Variants in GRIP2 observed in about 807,000 individuals in gnomAD.
GRIP2 encodes glutamate receptor interacting protein 2.
GRIP2 carries 58 observed loss-of-function variants against 108.3 expected under a neutral mutation model. The ratio of observed to expected loss-of-function variants is 0.54; its 90% CI spans 0.43 to 0.67. The LOEUF (loss-of-function observed/expected upper bound fraction) is 0.67, where lower values mean the gene tolerates loss of function less well. GRIP2 is among the 30% of genes least tolerant of loss of function. GRIP2 has a pLI of 0.00. For missense variants in GRIP2, 1,278 were observed against 1,430.6 expected, an observed-to-expected ratio of 0.89 and a Z score of 1.72; for synonymous variants, 586 against 598.2, an observed-to-expected ratio of 0.98 and a Z score of 0.30.
rs1694139889 is a variant in GRIP2 at position 14,512,925 on chromosome 3, T to C, written c.1640-68A>G. 1.6e-5 allele frequency: 23 copies of C among 1,405,368 alleles called. No homozygotes were observed. The Middle Eastern group carries it at 7.0e-4, about 43-fold the overall frequency. 87.1% of individuals were successfully genotyped at this position (1,405,368 alleles called of 1,614,324 possible). On this transcript the variant is annotated intron_variant, in intron 13 of 23. Transcript: ENST00000621039. This position sits in a 1 kb window ranked among gnomAD's most constrained non-coding sequence, Gnocchi z 5.1. Reference sequence around the variant, plus strand: ...GGAGCCTCAGCGAACCCCAGCCCCATGCCCATTCTGGCTGTGCTGGGAGTG... The same window carrying C: ...GGAGCCTCAGCGAACCCCAGCCCCACGCCCATTCTGGCTGTGCTGGGAGTG...
the GRIP2 span, chr3:14,573,009 A>C: frequency 2.0e-6 from 3 of 1,466,966 alleles, no homozygotes; most frequent in Non-Finnish European, 2.9e-6. Flanking sequence ...GATGATGATC[A>C]GGCAGCATTT....
the GRIP2 span, among the ~76,000 whole-genome samples, chr3:14,581,684 T>A: frequency 6.6e-6 from 1 of 152,144 alleles, no homozygotes; most frequent in Non-Finnish European, 1.5e-5. Context: ...AAGAGAGAAG[T>A]GAATGATGGG....
the GRIP2 span, among the ~76,000 whole-genome samples, chr3:14,593,919 C>T: frequency 3.3e-5 from 5 of 152,224 alleles, no homozygotes; most frequent in African/African-American, 1.2e-4. Context: ...GAAAGCTCAT[C>T]CAAGCTCTAT....
chr3:14,562,407 A>G, the GRIP2 span, among the ~76,000 whole-genome samples: 2 of 152,240 alleles, frequency 1.3e-5, no homozygotes, highest in East Asian at 3.8e-4. Flanking sequence ...CATGACTACA[A>G]AACTGCAGTG....
rs538149442 is a variant in GRIP2 at position 14,536,538 on chromosome 3, G to A, written c.40+3731C>T. ...GGCACTCACAGGCTGGGTGCATCAG[G>A]GCTAGCAGGACCCATGGCATCACCT... On this transcript the variant is annotated intron_variant, in intron 1 of 23. Transcript: ENST00000621039. Among the ~76,000 whole-genome samples the A allele has an allele frequency of 2.0e-4, 30 of 152,290 alleles. No individual in the cohort carries two copies. The East Asian group carries it at 4.8e-3, about 25-fold the overall frequency.
At chr3:14,499,970 C>T (rs186645938) in intron 21 of GRIP2, among the ~76,000 whole-genome samples, 26 of 152,164 alleles carry the variant, frequency 1.7e-4, no homozygotes, top group African/African-American at 4.1e-4. Context: ...GGGCTACATG[C>T]GGCCCGTGGG....
the GRIP2 span, among the ~76,000 whole-genome samples, chr3:14,593,744 T>C: frequency 2.0e-5 from 3 of 152,278 alleles, no homozygotes; most frequent in Non-Finnish European, 2.9e-5. Context: ...GGAGAGTTCT[T>C]TGGGCAGGAC....
Position 14,525,741 on chromosome 3 carries a change from G to A in GRIP2, c.121+110C>T, listed in dbSNP as rs1694536757. ...GAGAATCAGAGAGGTTAAGTGGCTG[G>A]TCTAAGGTCACAGAGCAAGTCAGTG... On this transcript the variant is annotated intron_variant, in intron 2 of 23. Transcript: ENST00000621039. 5 of 1,323,494 alleles carry A rather than the reference G, an allele frequency of 3.8e-6. No individual in the cohort carries two copies. In the South Asian group the frequency reaches 5.2e-5, roughly 14 times the overall value. The allele number at this position is 1,323,494 out of a possible 1,614,324, so 82.0% of individuals were successfully genotyped here.
chr3:14,576,492 G>A, the GRIP2 span, among the ~76,000 whole-genome samples: 4,610 of 152,334 alleles, frequency 0.03, 214 homozygotes, highest in African/African-American at 0.11. Flanking sequence ...AGGGCGGGGA[G>A]AGGCGAGGGT....
At chr3:14,517,725 G>C (rs765290495) in intron 10 of GRIP2, 47 bp downstream of exon 10, 2 of 1,602,910 alleles carry the variant, frequency 1.2e-6, no homozygotes, top group Non-Finnish European at 1.7e-6. Context: ...CCCCTCCCTA[G>C]GAAAGGCTAC....
intron 1 of GRIP2, among the ~76,000 whole-genome samples, chr3:14,550,163 G>A (rs11128707): frequency 0.81 from 122,536 of 152,106 alleles, 49,490 homozygotes; most frequent in South Asian, 0.9. Context: ...AGCCCCCTGC[G>A]CCCCAAACTG....
rs547259776 is a variant in GRIP2 at position 14,505,217 on chromosome 3, C to A, written c.2573+398G>T. Among the ~76,000 whole-genome samples, 8 of 152,202 alleles carry A rather than the reference C, an allele frequency of 5.3e-5. No homozygotes were observed. Among genetic ancestry groups the A allele is most frequent in the Non-Finnish European group, 1.2e-4 (8 of 68,036 alleles). ...TGCTCTCTGCAGGAGCCTTCTCCAG[C>A]GGCTCAGCCACTCGGCACAGCCCAG... On this transcript the variant is annotated intron_variant, in intron 20 of 23. Coordinates refer to ENST00000621039, the MANE Select transcript of GRIP2 (RefSeq NM_001080423.4). The surrounding 1 kb of genome is among the most constrained non-coding windows in gnomAD (Gnocchi z 4.2).
chr3:14,512,889 G>C lies in GRIP2; in HGVS notation c.1640-32C>G. On this transcript the variant is annotated intron_variant, in intron 13 of 23. Coordinates refer to ENST00000621039, the MANE Select transcript of GRIP2 (RefSeq NM_001080423.4). The surrounding 1 kb of genome is among the most constrained non-coding windows in gnomAD (Gnocchi z 5.1). ...GTAGATGGACATAAACCGACGTGAG[G>C]ACCCAGAGGAGGAGCCTCAGCGAAC... is the stretch of plus-strand genomic sequence containing the variant. 1 of 1,602,714 alleles carries C rather than the reference G, an allele frequency of 6.2e-7. No homozygotes were observed. The highest frequency in any genetic ancestry group is 8.5e-7 in the Non-Finnish European group (1 of 1,169,966).
upstream of GRIP2, among the ~76,000 whole-genome samples, chr3:14,559,195 C>T (rs1695281500): frequency 6.6e-6 from 1 of 152,130 alleles, no homozygotes; most frequent in African/African-American, 2.4e-5. Context: ...TTCCTGTATG[C>T]TGTGAGAGTG....
chr3:14,519,308 G>T (rs2124913986), intron 9 of GRIP2, among the ~76,000 whole-genome samples: 1 of 152,308 alleles, frequency 6.6e-6, no homozygotes, highest in African/African-American at 2.4e-5. Flanking sequence ...TTTGCAAAGG[G>T]TGGGGTGGAC....
chr3:14,588,394 C>T, the GRIP2 span, among the ~76,000 whole-genome samples: 1 of 152,188 alleles, frequency 6.6e-6, no homozygotes, highest in African/African-American at 2.4e-5. Flanking sequence ...TGTCTCCCTA[C>T]CTACTACCCA....
chr3:14,578,858 TTC>T, the GRIP2 span, among the ~76,000 whole-genome samples: 1 of 151,262 alleles, frequency 6.6e-6, no homozygotes. Context: ...TTTTTTTTTT[TTC>T]TCTCTCTCTC....
In GRIP2 at chr3:14,493,731, C is replaced by T. The variant is rs774516436; in HGVS notation, c.3066G>A (p.Lys1022=). Residue 1022 remains lysine (K), a synonymous_variant, in exon 24 of 24, where the codon AAG becomes AAA. Coordinates refer to ENST00000621039, the MANE Select transcript of GRIP2 (RefSeq NM_001080423.4). Reference sequence around the variant, plus strand: ...CCCGGCTGCTGTGTGCCGTGTGCGGCTTGCGGCTGATGATCAGCTCCAAGA... The same window carrying T: ...CCCGGCTGCTGTGTGCCGTGTGCGGTTTGCGGCTGATGATCAGCTCCAAGA... The part of the protein sequence containing the change: ...GDVLELIISR[K]PHTAHSSRAP... 1 of 1,609,422 alleles carries T rather than the reference C, an allele frequency of 6.2e-7. No homozygotes were observed. The highest frequency in any genetic ancestry group is 1.3e-5 in the African/African-American group (1 of 75,020).
chr3:14,591,382 T>C, the GRIP2 span, among the ~76,000 whole-genome samples: 1 of 152,198 alleles, frequency 6.6e-6, no homozygotes, highest in Non-Finnish European at 1.5e-5. Flanking sequence ...AAGACATTCC[T>C]GGGGTGAAAT....
Sources: allele counts gnomAD v4.1 joint callset (sites outside exome capture counted in the v4.1 genomes callset), GRCh38; gene constraint gnomAD v4.1.1; non-coding constraint Gnocchi (gnomAD v3.1); transcripts MANE v1.5; gene names NCBI Gene and HGNC (gene_info 2026-07-23, HGNC 2026-07-21).